Variants in STPG2 observed in about 807,000 individuals in gnomAD.
STPG2 encodes sperm tail PG-rich repeat containing 2.
Under a neutral mutation model 54.2 loss-of-function variants are expected in STPG2, and 56 were observed. The observed-to-expected ratio is 1.03, with a 90% CI of 0.83 to 1.29. The LOEUF (loss-of-function observed/expected upper bound fraction) is 1.29, where lower values mean the gene tolerates loss of function less well. STPG2 is among the 50% of genes most tolerant of loss of function. The pLI is 0.00. For missense variants in STPG2, 596 were observed against 544.9 expected (o/e 1.09, Z -0.93); for synonymous variants, 200 against 181.8 (o/e 1.10, Z -0.81).
intron 8 of STPG2, among the ~76,000 whole-genome samples, chr4:97,905,598 A>C (rs1249807034): frequency 1.3e-5 from 2 of 152,166 alleles, no homozygotes; most frequent in Non-Finnish European, 2.9e-5. Flanking sequence ...TCAAATTCAC[A>C]CATAACAATA....
chr4:98,024,694 ATAT>A (rs1288745339), intron 5 of STPG2, among the ~76,000 whole-genome samples: 1 of 152,172 alleles, frequency 6.6e-6, no homozygotes, highest in Non-Finnish European at 1.5e-5. Context: ...TATGCCACTG[ATAT>A]TATATAACAT....
intron 10 of STPG2, among the ~76,000 whole-genome samples, chr4:97,665,092 T>G (rs1003341575): frequency 6.6e-6 from 1 of 152,128 alleles, no homozygotes; most frequent in Non-Finnish European, 1.5e-5. Flanking sequence ...AGCTCGGAGA[T>G]GCCAGGAACT....
intron 8 of STPG2, among the ~76,000 whole-genome samples, chr4:97,937,839 G>A (rs1311949518): frequency 6.6e-6 from 1 of 152,186 alleles, no homozygotes; most frequent in African/African-American, 2.4e-5. Context: ...GCTGACCCCT[G>A]TTGGGGGCTG....
intron 10 of STPG2, among the ~76,000 whole-genome samples, chr4:97,579,087 T>C (rs1213026381): frequency 6.6e-6 from 1 of 152,174 alleles, no homozygotes; most frequent in East Asian, 1.9e-4. Flanking sequence ...AATCTTTAAA[T>C]TGCAAGTGAC....
At chr4:97,572,702 C>T (rs1048532981) in intron 10 of STPG2, 2 of 152,046 alleles carry the variant, frequency 1.3e-5, no homozygotes, top group African/African-American at 2.4e-5. Flanking sequence ...CCCATTCTAT[C>T]CTCCAAACTG....
intron 7 of STPG2, among the ~76,000 whole-genome samples, chr4:97,959,382 A>C (rs1394389410): frequency 6.6e-6 from 1 of 152,076 alleles, no homozygotes; most frequent in Non-Finnish European, 1.5e-5. Flanking sequence ...AGAGTAGAAT[A>C]AATGAAATTG....
chr4:97,778,048 G>A (rs188228752), intron 9 of STPG2, among the ~76,000 whole-genome samples: 1 of 152,142 alleles, frequency 6.6e-6, no homozygotes, highest in African/African-American at 2.4e-5. Flanking sequence ...TCTCGCTGGG[G>A]TTCGTCAGAC....
At chr4:97,624,746 A>G (rs756905026) in intron 10 of STPG2, among the ~76,000 whole-genome samples, 1 of 152,084 alleles carries the variant, frequency 6.6e-6, no homozygotes, top group Non-Finnish European at 1.5e-5. Flanking sequence ...GGGCTTTTAT[A>G]GTTTTGGATG....
At chr4:97,682,930 T>C (rs1723076748) in intron 10 of STPG2, among the ~76,000 whole-genome samples, 1 of 151,818 alleles carries the variant, frequency 6.6e-6, no homozygotes, top group Non-Finnish European at 1.5e-5. Context: ...CATGGGAAAC[T>C]GGAGACTATA....
At chr4:98,091,773 C>T (rs4699596) in intron 5 of STPG2, among the ~76,000 whole-genome samples, 41,687 of 151,660 alleles carry the variant, frequency 0.27, 5,973 homozygotes, top group Middle Eastern at 0.36. Flanking sequence ...TGTGTATATA[C>T]ATATATATTC....
chr4:97,532,577 A>G (rs1731437831), intron 4 of STPG2, among the ~76,000 whole-genome samples: 1 of 152,212 alleles, frequency 6.6e-6, no homozygotes. Flanking sequence ...AAGTGGAAAG[A>G]TAGCTTCTTG....
intron 8 of STPG2, among the ~76,000 whole-genome samples, chr4:97,920,233 C>G (rs146387819): frequency 1.1e-3 from 161 of 152,208 alleles, no homozygotes; most frequent in African/African-American, 3.8e-3. Context: ...GTCCAGCAAC[C>G]AAGGAATAGA....
intron 9 of STPG2, among the ~76,000 whole-genome samples, chr4:97,810,171 A>G (rs759127733): frequency 8.5e-5 from 13 of 152,164 alleles, no homozygotes; most frequent in Non-Finnish European, 1.5e-4. Flanking sequence ...CTAATACCTA[A>G]AGAATGAAAG....
At chr4:97,740,595 A>G (rs1442743299) in intron 9 of STPG2, among the ~76,000 whole-genome samples, 77 of 152,050 alleles carry the variant, frequency 5.1e-4, no homozygotes, top group Non-Finnish European at 7.6e-4. Flanking sequence ...CAAATCATGA[A>G]TGAACTCCCA....
intron 8 of STPG2, among the ~76,000 whole-genome samples, chr4:97,920,310 T>C (rs1732050639): frequency 6.6e-6 from 1 of 152,212 alleles, no homozygotes; most frequent in African/African-American, 2.4e-5. Context: ...CTCTTGTCTC[T>C]ACAACTTTGA....
At chr4:98,045,272 G>A (rs1433716187) in intron 5 of STPG2, among the ~76,000 whole-genome samples, 1 of 152,054 alleles carries the variant, frequency 6.6e-6, no homozygotes, top group Non-Finnish European at 1.5e-5. Flanking sequence ...AACCTCCACT[G>A]CACGCTGGTT....
At chr4:98,130,171 TTAATA>T (rs947881094) in intron 2 of STPG2, among the ~76,000 whole-genome samples, 2 of 151,222 alleles carry the variant, frequency 1.3e-5, no homozygotes, top group African/African-American at 4.9e-5. Flanking sequence ...TTTTTCTTTT[TTAATA>T]TAATTTTTGG....
chr4:97,463,856 A>G (rs1426726186), intron 4 of STPG2, among the ~76,000 whole-genome samples: 3 of 152,186 alleles, frequency 2.0e-5, no homozygotes, highest in Non-Finnish European at 4.4e-5. Flanking sequence ...TTTCCTTAGC[A>G]TTCATCGAAT....
At chr4:97,811,541 TAA>T (rs34763766) in intron 9 of STPG2, among the ~76,000 whole-genome samples, 24 of 149,922 alleles carry the variant, frequency 1.6e-4, no homozygotes, top group Admixed American at 1.0e-3. Flanking sequence ...GTAGCAGCAG[TAA>T]AAAAAAAAAT....
Sources: gnomAD v4.1 joint callset for allele counts (sites outside exome capture counted in the v4.1 genomes callset) on GRCh38, gnomAD v4.1.1 for gene constraint, MANE v1.5 for transcripts, NCBI Gene and HGNC (gene_info 2026-07-23, HGNC 2026-07-21) for gene names.